MAGI3: variants seen among roughly 807,000 people sequenced by gnomAD.
The protein encoded by MAGI3 is membrane-associated guanylate kinase, WW and PDZ domain-containing protein 3.
In MAGI3, 43 loss-of-function variants were observed where a neutral mutation model predicts 121.8. That is an observed-to-expected ratio of 0.35 (90% CI 0.28 to 0.46). MAGI3 has a LOEUF of 0.46. Ranked by LOEUF, MAGI3 falls within the 20% of genes least tolerant of loss-of-function variation. MAGI3 has a pLI of 1.00. For missense variants in MAGI3, 1,547 were observed against 1,797.3 expected (o/e 0.86, Z 2.52); for synonymous variants, 553 against 639.3 (o/e 0.86, Z 2.04).
intron 16 of MAGI3, among the ~76,000 whole-genome samples, chr1:113,668,563 A>T (rs1266908126): frequency 6.9e-6 from 1 of 145,508 alleles, no homozygotes; most frequent in Admixed American, 6.9e-5. Flanking sequence ...AACAAAAAAC[A>T]TGTAACTTTT....
At chr1:113,480,910 G>A (rs1056457417) in intron 1 of MAGI3, among the ~76,000 whole-genome samples, 1 of 152,130 alleles carries the variant, frequency 6.6e-6, no homozygotes, top group Non-Finnish European at 1.5e-5. Flanking sequence ...GCACAGATGT[G>A]TTTAGCTATT....
chr1:113,635,745 T>C (rs1204626539), intron 9 of MAGI3, among the ~76,000 whole-genome samples: 1 of 152,232 alleles, frequency 6.6e-6, no homozygotes, highest in African/African-American at 2.4e-5. Context: ...CCTCATAAAA[T>C]GAGTTAGGGA....
chr1:113,416,164 T>TG (rs1557744028), intron 1 of MAGI3, among the ~76,000 whole-genome samples: 1 of 88,806 alleles, frequency 1.1e-5, no homozygotes, highest in African/African-American at 3.2e-5. Context: ...ACACATATTA[T>TG]TATGTAATTA....
intron 3 of MAGI3, among the ~76,000 whole-genome samples, chr1:113,583,838 CAAGG>C (rs750963752): frequency 2.6e-4 from 40 of 152,118 alleles, no homozygotes; most frequent in Non-Finnish European, 3.8e-4. Context: ...GATTTGGAAA[CAAGG>C]GAGTAGGTGA....
At chr1:113,402,552 A>G (rs183339293) in intron 1 of MAGI3, among the ~76,000 whole-genome samples, 125 of 152,064 alleles carry the variant, frequency 8.2e-4, no homozygotes, top group Non-Finnish European at 1.1e-3. Context: ...GACTGCTAAC[A>G]CTGTTTCTTG....
rs551496485 is a variant in MAGI3 at position 113,452,660 on chromosome 1, A to T, written c.316+61311A>T. ...TTAAAATATTTTATAGTGGGAAAAA[A>T]CCCCACAAATGCAGTTGTTGTTTTG... On this transcript the variant is annotated intron_variant, in intron 1 of 20. Transcript: ENST00000307546. Among the ~76,000 whole-genome samples, 9 of 152,038 alleles carry T rather than the reference A, an allele frequency of 5.9e-5. No individual in the cohort carries two copies. The South Asian group carries it at 1.9e-3, about 32-fold the overall frequency.
At chr1:113,511,523 AG>A (rs1485183029) in intron 1 of MAGI3, among the ~76,000 whole-genome samples, 2 of 152,224 alleles carry the variant, frequency 1.3e-5, no homozygotes, top group Admixed American at 1.3e-4. Flanking sequence ...CACACCGAGC[AG>A]GGTATGGCAG....
At chr1:113,646,082 A>G (rs1652816468) in intron 11 of MAGI3, among the ~76,000 whole-genome samples, 1 of 152,146 alleles carries the variant, frequency 6.6e-6, no homozygotes, top group Non-Finnish European at 1.5e-5. Context: ...AACTCAGTGA[A>G]TGGGAGGTGG....
intron 1 of MAGI3, among the ~76,000 whole-genome samples, chr1:113,543,810 G>A (rs1472647570): frequency 2.0e-5 from 3 of 151,114 alleles, no homozygotes; most frequent in African/African-American, 7.3e-5. Context: ...GGAGGTTGCA[G>A]TGAGCCGAGA....
At chr1:113,589,576 T>C (rs890548304) in intron 4 of MAGI3, among the ~76,000 whole-genome samples, 2 of 152,002 alleles carry the variant, frequency 1.3e-5, no homozygotes, top group Non-Finnish European at 2.9e-5. Context: ...GGGTAGAGGA[T>C]AAAGAATAGT....
intron 1 of MAGI3, among the ~76,000 whole-genome samples, chr1:113,542,834 G>A (rs540696807): frequency 3.2e-4 from 48 of 152,192 alleles, no homozygotes; most frequent in African/African-American, 1.1e-3. Flanking sequence ...CTAGGACAGC[G>A]CTTACAATGT....
In MAGI3 at chr1:113,658,946, G is replaced by A. The variant is rs926936478; in HGVS notation, c.2630-134G>A. On this transcript the variant is annotated intron_variant, in intron 15 of 20. Transcript: ENST00000307546. This position sits in a 1 kb window ranked among gnomAD's most constrained non-coding sequence, Gnocchi z 4.0. ...AGTTCCGTTTGGATGCGATGATGAC[G>A]TGTGGTACTTTTCTGTTATGTTTTT... 33 of 743,698 alleles carry A rather than the reference G, an allele frequency of 4.4e-5. 1 individual carries two copies. The highest frequency in any genetic ancestry group is 2.0e-4 in the East Asian group (8 of 39,598). 46.1% of individuals were successfully genotyped at this position (743,698 alleles called of 1,614,324 possible). A position where few individuals can be genotyped will look rare whatever the true frequency, so the allele number is the denominator to read the frequency against.
chr1:113,563,119 A>G (rs1487689772), intron 2 of MAGI3, among the ~76,000 whole-genome samples: 1 of 152,244 alleles, frequency 6.6e-6, no homozygotes, highest in Non-Finnish European at 1.5e-5. Flanking sequence ...AGGATAATAC[A>G]TTATGATCAA....
intron 9 of MAGI3, among the ~76,000 whole-genome samples, chr1:113,630,146 G>C (rs1249692390): frequency 6.6e-6 from 1 of 152,096 alleles, no homozygotes; most frequent in East Asian, 1.9e-4. Flanking sequence ...TTCTGGCTAA[G>C]CTGGCATTCA....
rs545208331 is a variant in MAGI3 at position 113,599,913 on chromosome 1, C to G, written c.1018+5353C>G. On this transcript the variant is annotated intron_variant, in intron 6 of 20. Coordinates refer to ENST00000307546, the MANE Select transcript of MAGI3 (RefSeq NM_001142782.2). ...TCATCCCTGGGATGCAAGGCTGGTT[C>G]AATATACGCAAATCAATGAATGTAA... Among the ~76,000 whole-genome samples, 282 of 151,964 alleles carry G rather than the reference C, an allele frequency of 1.9e-3. 10 individuals carry two copies. The East Asian group carries it at 0.049, about 26-fold the overall frequency.
intron 1 of MAGI3, among the ~76,000 whole-genome samples, chr1:113,479,086 G>A (rs1442932773): frequency 3.3e-5 from 5 of 152,178 alleles, no homozygotes; most frequent in Admixed American, 1.3e-4. Flanking sequence ...CTTGTCTCCC[G>A]GTTGCTAAGA....
rs34953411 is a variant in MAGI3 at position 113,406,991 on chromosome 1, C to T, written c.316+15642C>T. ...AAAACACAAATATGAGAACCTGGTTCGATATAGGAATAGAAAGGCTGATAT... is the reference window on the plus strand; with the variant it reads ...AAAACACAAATATGAGAACCTGGTTTGATATAGGAATAGAAAGGCTGATAT... On this transcript the variant is annotated intron_variant, in intron 1 of 20. Coordinates refer to ENST00000307546, the MANE Select transcript of MAGI3 (RefSeq NM_001142782.2). Among the ~76,000 whole-genome samples, 1,149 of 151,916 alleles carry T rather than the reference C, an allele frequency of 7.6e-3. 16 individuals are homozygous for T. The highest frequency in any genetic ancestry group is 0.034 in the Middle Eastern group (10 of 294).
intron 1 of MAGI3, among the ~76,000 whole-genome samples, chr1:113,427,393 T>C (rs573116457): frequency 6.6e-6 from 1 of 152,316 alleles, no homozygotes; most frequent in South Asian, 2.1e-4. Context: ...GGAGATTGCT[T>C]CCCCTGGCTG....
chr1:113,549,772 A>G (rs1179502275), intron 2 of MAGI3, 141 bp downstream of exon 2: 2 of 500,908 alleles, frequency 4.0e-6, no homozygotes, highest in African/African-American at 2.0e-5. Context: ...AAAATTGGAT[A>G]AGAAGAAAAA....
Sources: allele counts gnomAD v4.1 joint callset (sites outside exome capture counted in the v4.1 genomes callset), GRCh38; gene constraint gnomAD v4.1.1; non-coding constraint Gnocchi (gnomAD v3.1); transcripts MANE v1.5; gene names NCBI Gene and HGNC (gene_info 2026-07-23, HGNC 2026-07-21).